The following CELF4 variants were observed in gnomAD, a reference collection of about 807,000 sequenced individuals.
CELF4 encodes CUG-BP- and ETR-3-like factor 4.
A neutral mutation model predicts 59.9 loss-of-function variants in CELF4; 18 were observed. That is an observed-to-expected ratio of 0.30 (90% CI 0.21 to 0.45). The LOEUF (loss-of-function observed/expected upper bound fraction) is 0.45. Among genes scored for constraint, CELF4 ranks in the 20% least tolerant of loss-of-function variants. The pLI is 1.00. For synonymous variants in CELF4, 261 were observed against 267.1 expected (o/e 0.98, Z 0.22); for missense variants, 456 against 689.0 (o/e 0.66, Z 3.79).
chr18:37,562,525 C>CT (rs1304592055), intron 1 of CELF4, among the ~76,000 whole-genome samples: 1 of 152,130 alleles, frequency 6.6e-6, no homozygotes, highest in Non-Finnish European at 1.5e-5. Context: ...TGAAACCAGG[C>CT]TTAACAAAGG....
chr18:37,507,354 A>G (rs1311245518), intron 1 of CELF4, among the ~76,000 whole-genome samples: 2 of 152,024 alleles, frequency 1.3e-5, no homozygotes, highest in African/African-American at 2.4e-5. Context: ...CGGGACAGAA[A>G]TCTCACCTCT....
At position 37,373,456 on chromosome 18, in the gene CELF4, G is replaced by A. The variant is rs908001156; in HGVS notation, c.370-51575C>T. Among the ~76,000 whole-genome samples the A allele has an allele frequency of 7.9e-5, 12 of 152,380 alleles. No individual in the cohort carries two copies. In the South Asian group the frequency reaches 2.1e-3, roughly 26 times the overall value. On this transcript the variant is annotated intron_variant, in intron 2 of 12. Coordinates refer to ENST00000420428, the MANE Select transcript of CELF4 (RefSeq NM_020180.4). The stretch of plus-strand genomic sequence containing the variant: ...GGGCACTGGGCATGGTCAGGACAGA[G>A]CCTCTGCTCCCTGGGGAACTTTGTT...
chr18:37,316,076 T>G lies in CELF4; in HGVS notation c.448+5727A>C, dbSNP rs759984437. On this transcript the variant is annotated intron_variant, in intron 3 of 12. Coordinates refer to ENST00000420428, the MANE Select transcript of CELF4 (RefSeq NM_020180.4). ...CAGGGCAGCTTCCTAGGGACACCCA[T>G]GGAGACTCCATTTAGAAGCTGAGCA... is the stretch of plus-strand genomic sequence containing the variant. 1.8e-3 allele frequency among the ~76,000 whole-genome samples: 270 copies of G among 152,184 alleles called. 3 individuals are homozygous for G. Among genetic ancestry groups the G allele is most frequent in the Non-Finnish European group, 4.0e-4 (27 of 67,970 alleles).
At chr18:37,310,454 C>T (rs978776032) in intron 3 of CELF4, among the ~76,000 whole-genome samples, 3 of 152,202 alleles carry the variant, frequency 2.0e-5, no homozygotes, top group African/African-American at 4.8e-5. Context: ...ATCATTGCTC[C>T]CCTGCAAAGT....
chr18:37,414,081 C>G (rs565514082), intron 2 of CELF4, among the ~76,000 whole-genome samples: 1 of 152,306 alleles, frequency 6.6e-6, no homozygotes, highest in African/African-American at 2.4e-5. Flanking sequence ...GCTTTCCAAC[C>G]TGACATAGCA....
chr18:37,350,515 G>A (rs2098417433), intron 2 of CELF4, among the ~76,000 whole-genome samples: 1 of 152,130 alleles, frequency 6.6e-6, no homozygotes, highest in Non-Finnish European at 1.5e-5. Context: ...CACAGAGCCT[G>A]TCCGATCCCA....
At chr18:37,300,095 C>T (rs951805963) in intron 3 of CELF4, among the ~76,000 whole-genome samples, 6 of 152,210 alleles carry the variant, frequency 3.9e-5, no homozygotes, top group African/African-American at 1.4e-4. Flanking sequence ...GGGTCTTCCG[C>T]CTTCACTTCT....
At chr18:37,438,457 C>T (rs1288735748) in intron 2 of CELF4, among the ~76,000 whole-genome samples, 2 of 152,192 alleles carry the variant, frequency 1.3e-5, no homozygotes, top group Non-Finnish European at 2.9e-5. Flanking sequence ...GCTGTCCTGA[C>T]AGATGAGGAC....
Position 37,352,612 on chromosome 18 carries a change from T to TA in CELF4, c.370-30732dup, listed in dbSNP as rs201064680. On this transcript the variant is annotated intron_variant, in intron 2 of 12. Transcript: ENST00000420428. Reference sequence around the variant, plus strand: ...TGCCTCTAAAAAAAAAAATTAAAAATAAAAAAAAGAATTTTAAGTATCTGC... The same window carrying TA: ...TGCCTCTAAAAAAAAAAATTAAAAATAAAAAAAAAGAATTTTAAGTATCTGC... Among the ~76,000 whole-genome samples the TA allele has an allele frequency of 5.2e-3, 777 of 150,550 alleles. 6 individuals are homozygous for TA. The highest frequency in any genetic ancestry group is 0.017 in the African/African-American group (694 of 40,986).
intron 2 of CELF4, among the ~76,000 whole-genome samples, chr18:37,332,820 G>A (rs573487977): frequency 2.6e-5 from 4 of 152,312 alleles, no homozygotes; most frequent in Admixed American, 6.5e-5. Flanking sequence ...CTGGGCTGAC[G>A]TGCCCCCACC....
At chr18:37,387,877 C>T (rs1017785833) in intron 2 of CELF4, among the ~76,000 whole-genome samples, 1 of 152,206 alleles carries the variant, frequency 6.6e-6, no homozygotes, top group African/African-American at 2.4e-5. Context: ...ACTCTCTCAT[C>T]AGAACAGAGG....
chr18:37,394,945 G>GCCCCCCA (rs1175037928), intron 2 of CELF4, among the ~76,000 whole-genome samples: 101 of 36,700 alleles, frequency 2.8e-3, no homozygotes, highest in South Asian at 0.014. Context: ...CCCAAGACCC[G>GCCCCCCA]CCCCCCACCC....
At chr18:37,299,861 C>G (rs2095887055) in intron 3 of CELF4, among the ~76,000 whole-genome samples, 1 of 152,128 alleles carries the variant, frequency 6.6e-6, no homozygotes, top group Non-Finnish European at 1.5e-5. Context: ...GTCCCCACCC[C>G]CATCTCTCCC....
In CELF4 at chr18:37,277,428, C is replaced by T. The variant is rs958860504; in HGVS notation, c.449-2185G>A. On this transcript the variant is annotated intron_variant, in intron 3 of 12. Transcript: ENST00000420428. Reference sequence around the variant, plus strand: ...CCAGGGTTCTGCGTGCAGCCCTCCCCCACTTACTCCAGGCTCTGGGGCACA... The same window carrying T: ...CCAGGGTTCTGCGTGCAGCCCTCCCTCACTTACTCCAGGCTCTGGGGCACA... Among the ~76,000 whole-genome samples the T allele has an allele frequency of 2.0e-5, 3 of 152,194 alleles. No individual in the cohort carries two copies. The East Asian group carries it at 5.8e-4, about 29-fold the overall frequency.
intron 2 of CELF4, among the ~76,000 whole-genome samples, chr18:37,477,168 C>T (rs770585690): frequency 7.2e-5 from 11 of 152,182 alleles, no homozygotes; most frequent in Non-Finnish European, 1.2e-4. Context: ...CAGGCACAGG[C>T]GCAGAAAGAG....
At chr18:37,475,220 AC>A (rs2099845426) in intron 2 of CELF4, among the ~76,000 whole-genome samples, 2 of 152,224 alleles carry the variant, frequency 1.3e-5, no homozygotes, top group Non-Finnish European at 2.9e-5. Flanking sequence ...ATGCTTGTCT[AC>A]AGTCTGCTTC....
At chr18:37,528,353 A>G (rs2099966027) in intron 1 of CELF4, among the ~76,000 whole-genome samples, 1 of 152,236 alleles carries the variant, frequency 6.6e-6, no homozygotes, top group South Asian at 2.1e-4. Flanking sequence ...ACATGTATGC[A>G]GTGGATGCTC....
chr18:37,330,798 A>G (rs2097515136), intron 2 of CELF4, among the ~76,000 whole-genome samples: 1 of 152,170 alleles, frequency 6.6e-6, no homozygotes, highest in Non-Finnish European at 1.5e-5. Flanking sequence ...ACCACCGGAC[A>G]GTCTTGTTTC....
At chr18:37,536,247 G>C (rs756381982) in intron 1 of CELF4, among the ~76,000 whole-genome samples, 2 of 152,134 alleles carry the variant, frequency 1.3e-5, no homozygotes, top group Non-Finnish European at 2.9e-5. Context: ...TGGCAAACAG[G>C]CTTTTCCAGG....
Sources: allele counts gnomAD v4.1 joint callset (sites outside exome capture counted in the v4.1 genomes callset), GRCh38; gene constraint gnomAD v4.1.1; transcripts MANE v1.5; gene names NCBI Gene and HGNC (gene_info 2026-07-23, HGNC 2026-07-21).